Variants in FAT3 observed in about 807,000 individuals in gnomAD.
FAT3 encodes FAT atypical cadherin 3, also known as protocadherin Fat 3.
A neutral mutation model predicts 310.2 loss-of-function variants in FAT3; 95 were observed. The observed-to-expected ratio is 0.31, with a 90% CI of 0.26 to 0.36. FAT3 has a LOEUF of 0.36. Ranked by LOEUF, FAT3 falls within the 10% of genes least tolerant of loss-of-function variation. The pLI is 1.00. For missense variants in FAT3, 5,408 were observed against 5,715.6 expected (o/e 0.95, Z 1.74); for synonymous variants, 2,314 against 2,192.9 (o/e 1.06, Z -1.54).
intron 3 of FAT3, among the ~76,000 whole-genome samples, chr11:92,550,029 AT>A (rs1954752157): frequency 6.6e-6 from 1 of 152,212 alleles, no homozygotes; most frequent in South Asian, 2.1e-4. Context: ...GTTAGGATTA[AT>A]CCCACTTCTG....
At chr11:92,304,697 C>T (rs1947077427) in intron 1 of FAT3, among the ~76,000 whole-genome samples, 1 of 152,024 alleles carries the variant, frequency 6.6e-6, no homozygotes, top group Admixed American at 6.6e-5. Context: ...ACAACTTACA[C>T]CTGGAATTCA....
chr11:92,230,866 A>G (rs540593715), intron 1 of FAT3, among the ~76,000 whole-genome samples: 109 of 152,226 alleles, frequency 7.2e-4, no homozygotes, highest in Non-Finnish European at 6.0e-4. Flanking sequence ...TAAACTTTTA[A>G]GAGGAGTGTA....
intron 2 of FAT3, among the ~76,000 whole-genome samples, chr11:92,508,277 T>C (rs1239187033): frequency 6.6e-6 from 1 of 152,156 alleles, no homozygotes; most frequent in Non-Finnish European, 1.5e-5. Context: ...GTTTTCTTGG[T>C]AAACATAAAA....
Position 92,844,090 on chromosome 11 carries a change from G to A in FAT3, c.10723G>A (p.Ala3575Thr), listed in dbSNP as rs1437517312. The A allele has an allele frequency of 6.2e-7, 1 of 1,613,990 alleles. No individual in the cohort carries two copies. Among genetic ancestry groups the A allele is most frequent in the Non-Finnish European group, 8.5e-7 (1 of 1,179,892 alleles). ...FPGGVIGKIH[A>T]TDQDMYDVLT... ...TGGTGGGGTCATTGGGAAGATTCATGCCACAGATCAAGACATGTATGATGT... is the reference window on the plus strand; with the variant it reads ...TGGTGGGGTCATTGGGAAGATTCATACCACAGATCAAGACATGTATGATGT... The change falls in exon 19 of 28, where the codon GCC becomes ACC. Residue 3575 changes from alanine (A) to threonine (T), a missense_variant. Ala to Thr is a moderately conservative substitution (Grantham distance 58). Around this residue, in one of 5 missense-constraint regions of FAT3, gnomAD observed 4,588 missense variants for 4,809.8 expected, o/e 0.95. Transcript: ENST00000525166.
intron 1 of FAT3, among the ~76,000 whole-genome samples, chr11:92,288,029 A>G (rs1423146990): frequency 6.6e-6 from 1 of 152,126 alleles, no homozygotes; most frequent in Non-Finnish European, 1.5e-5. Context: ...GCTGAGAAGT[A>G]CCTTTGGGAA....
In FAT3 at chr11:92,431,375, A is replaced by G. The variant is rs1305954314; in HGVS notation, c.3292+75971A>G. On this transcript the variant is annotated intron_variant, in intron 2 of 27. Coordinates refer to ENST00000525166, the MANE Select transcript of FAT3 (RefSeq NM_001367949.2). ...ATGGGGTTGTTTGTTTTTTTCTTGTAAATTTGTTTGAGTTCATTGTAGATT... is the reference window on the plus strand; with the variant it reads ...ATGGGGTTGTTTGTTTTTTTCTTGTGAATTTGTTTGAGTTCATTGTAGATT... 4.6e-5 allele frequency among the ~76,000 whole-genome samples: 7 copies of G among 151,870 alleles called. No homozygotes were observed. In the East Asian group the frequency reaches 1.4e-3, roughly 29 times the overall value.
At chr11:92,754,149 T>C (rs748432894) in intron 4 of FAT3, among the ~76,000 whole-genome samples, 2 of 151,834 alleles carry the variant, frequency 1.3e-5, no homozygotes, top group Admixed American at 6.6e-5. Flanking sequence ...TACTAAAAAA[T>C]ATATTTAAAA....
At chr11:92,826,185 A>T (rs1948100488) in intron 13 of FAT3, among the ~76,000 whole-genome samples, 1 of 152,186 alleles carries the variant, frequency 6.6e-6, no homozygotes, top group Non-Finnish European at 1.5e-5. Context: ...TTCTCAAAAG[A>T]AACAAAACAC....
chr11:92,615,052 A>G (rs756212725), intron 3 of FAT3, among the ~76,000 whole-genome samples: 1 of 152,162 alleles, frequency 6.6e-6, no homozygotes, highest in Admixed American at 6.5e-5. Context: ...AGTCTGTCTC[A>G]TTGGACTATG....
chr11:92,662,580 A>G (rs1942822795), intron 3 of FAT3, among the ~76,000 whole-genome samples: 1 of 152,234 alleles, frequency 6.6e-6, no homozygotes, highest in Non-Finnish European at 1.5e-5. Flanking sequence ...TCTAATGAGT[A>G]CATAAACATC....
intron 2 of FAT3, among the ~76,000 whole-genome samples, chr11:92,395,185 A>G (rs1471804877): frequency 2.0e-5 from 3 of 152,154 alleles, no homozygotes; most frequent in Non-Finnish European, 4.4e-5. Context: ...TTGGTCCTTT[A>G]CCAATTTCTC....
intron 1 of FAT3, among the ~76,000 whole-genome samples, chr11:92,315,436 A>AGT (rs1352150374): frequency 4.6e-5 from 6 of 129,708 alleles, no homozygotes; most frequent in Non-Finnish European, 8.2e-5. Context: ...GTCAAACCTC[A>AGT]GTGTGTGTGT....
At chr11:92,431,991 T>G (rs190415728) in intron 2 of FAT3, among the ~76,000 whole-genome samples, 3,985 of 152,310 alleles carry the variant, frequency 0.026, 63 homozygotes, top group Non-Finnish European at 0.032. Context: ...GGCTCTTTTT[T>G]GGTTCCATAT....
At chr11:92,688,064 G>A (rs1348944944) in intron 3 of FAT3, among the ~76,000 whole-genome samples, 1 of 151,990 alleles carries the variant, frequency 6.6e-6, no homozygotes, top group Non-Finnish European at 1.5e-5. Context: ...ACTAGCTGGG[G>A]ATGATGGTGC....
At chr11:92,589,718 G>A (rs555766863) in intron 3 of FAT3, among the ~76,000 whole-genome samples, 3 of 151,986 alleles carry the variant, frequency 2.0e-5, no homozygotes, top group African/African-American at 7.2e-5. Context: ...AACATAAATA[G>A]CATTCTTTCC....
At chr11:92,407,374 C>T (rs527670665) in intron 2 of FAT3, among the ~76,000 whole-genome samples, 1 of 152,246 alleles carries the variant, frequency 6.6e-6, no homozygotes, top group African/African-American at 2.4e-5. Context: ...TGCCTTTTCA[C>T]TTCATACATC....
chr11:92,336,439 G>C (rs1948084868), intron 1 of FAT3: 2 of 318,702 alleles, frequency 6.3e-6, no homozygotes, highest in South Asian at 6.0e-5. Context: ...AAGAGCCTTT[G>C]CATCACCACT....
intron 13 of FAT3, among the ~76,000 whole-genome samples, chr11:92,813,351 C>T (rs1947733301): frequency 6.6e-6 from 1 of 152,122 alleles, no homozygotes; most frequent in African/African-American, 2.4e-5. Flanking sequence ...GCCCCTTCAC[C>T]CAGCCCTTCT....
chr11:92,517,016 T>A (rs1045818000), intron 2 of FAT3, among the ~76,000 whole-genome samples: 2 of 152,146 alleles, frequency 1.3e-5, no homozygotes, highest in Non-Finnish European at 2.9e-5. Context: ...TCCATGCTCA[T>A]GGATAGGAAG....
Sources: allele counts gnomAD v4.1 joint callset (sites outside exome capture counted in the v4.1 genomes callset), GRCh38; gene constraint gnomAD v4.1.1; regional missense constraint gnomAD v4.1.1; transcripts MANE v1.5; gene names NCBI Gene and HGNC (gene_info 2026-07-23, HGNC 2026-07-21).